Variants in TUSC3 observed in about 807,000 individuals in gnomAD.
The protein encoded by TUSC3 is dolichyl-diphosphooligosaccharide--protein glycosyltransferase subunit TUSC3.
TUSC3 carries 45 observed loss-of-function variants against 44.8 expected under a neutral mutation model. The observed-to-expected ratio is 1.00, with a 90% CI of 0.79 to 1.29. The LOEUF is 1.29. Among genes scored for constraint, TUSC3 ranks in the 50% most tolerant of loss-of-function variants. TUSC3 has a pLI of 0.00. For missense variants in TUSC3, 519 were observed against 437.9 expected, an observed-to-expected ratio of 1.19 and a Z score of -1.65; for synonymous variants, 212 against 152.9, an observed-to-expected ratio of 1.39 and a Z score of -2.85.
At chr8:15,518,652 G>C (rs1474966631) in intron 2 of TUSC3, among the ~76,000 whole-genome samples, 1 of 152,066 alleles carries the variant, frequency 6.6e-6, no homozygotes, top group African/African-American at 2.4e-5. Flanking sequence ...TTGCAGGAAT[G>C]CCTACCAGTC....
At chr8:15,618,536 G>C (rs1372014477) in intron 1 of TUSC3, among the ~76,000 whole-genome samples, 1 of 152,014 alleles carries the variant, frequency 6.6e-6, no homozygotes, top group Non-Finnish European at 1.5e-5. Flanking sequence ...TCCCACTGGG[G>C]GGTCTTCAGG....
intron 2 of TUSC3, among the ~76,000 whole-genome samples, chr8:15,488,430 A>G (rs1800763056): frequency 6.6e-6 from 1 of 152,110 alleles, no homozygotes; most frequent in Non-Finnish European, 1.5e-5. Flanking sequence ...TGAGCCCAGG[A>G]GGCCAAGGCT....
At chr8:15,622,575 CACAGT>C (rs1260022729) in intron 1 of TUSC3, among the ~76,000 whole-genome samples, 2 of 152,200 alleles carry the variant, frequency 1.3e-5, no homozygotes, top group Non-Finnish European at 2.9e-5. Flanking sequence ...TGACTTTTAG[CACAGT>C]ACATCAGTTT....
At chr8:15,774,664 G>A in the TUSC3 span, among the ~76,000 whole-genome samples, 1 of 152,098 alleles carries the variant, frequency 6.6e-6, no homozygotes, top group Non-Finnish European at 1.5e-5. Flanking sequence ...CTAATACAAT[G>A]AGCCAAGGTC....
At chr8:15,793,655 T>C in the TUSC3 span, among the ~76,000 whole-genome samples, 2 of 152,306 alleles carry the variant, frequency 1.3e-5, no homozygotes, top group Non-Finnish European at 2.9e-5. Flanking sequence ...TAGTCTGTGC[T>C]CCTACACCCT....
chr8:15,836,831 G>T, the TUSC3 span, among the ~76,000 whole-genome samples: 2 of 152,036 alleles, frequency 1.3e-5, no homozygotes, highest in East Asian at 3.9e-4. Context: ...GGATAAACTT[G>T]CAGTTTTATA....
chr8:15,621,840 C>CATGCAT (rs1279452511), intron 1 of TUSC3, among the ~76,000 whole-genome samples: 2 of 151,442 alleles, frequency 1.3e-5, no homozygotes, highest in Non-Finnish European at 2.9e-5. Context: ...AGTTAGCATG[C>CATGCAT]ATGCATGTCT....
At chr8:15,794,205 C>G in the TUSC3 span, among the ~76,000 whole-genome samples, 1 of 152,172 alleles carries the variant, frequency 6.6e-6, no homozygotes, top group Non-Finnish European at 1.5e-5. Flanking sequence ...TTGAGAAACA[C>G]TCTCTTCTTG....
chr8:15,787,611 T>A, the TUSC3 span, among the ~76,000 whole-genome samples: 63 of 152,336 alleles, frequency 4.1e-4, no homozygotes, highest in Middle Eastern at 6.8e-3. Context: ...CTTATTTCTA[T>A]GATATATGGT....
At chr8:15,843,248 G>T in the TUSC3 span, among the ~76,000 whole-genome samples, 392 of 152,186 alleles carry the variant, frequency 2.6e-3, 4 homozygotes, top group Admixed American at 0.016. Flanking sequence ...CATTGCTAAT[G>T]GGTGATCTGT....
intron 6 of TUSC3, among the ~76,000 whole-genome samples, chr8:15,686,195 G>C (rs1377976278): frequency 6.6e-6 from 1 of 151,904 alleles, no homozygotes; most frequent in South Asian, 2.1e-4. Flanking sequence ...TGGTTACATA[G>C]GACATAAAAA....
the TUSC3 span, among the ~76,000 whole-genome samples, chr8:15,794,850 T>A: frequency 6.6e-6 from 1 of 152,092 alleles, no homozygotes; most frequent in East Asian, 1.9e-4. Flanking sequence ...ACGAACTATC[T>A]TCCATGGCTA....
intron 1 of TUSC3, among the ~76,000 whole-genome samples, chr8:15,464,762 C>G (rs1205193580): frequency 6.6e-6 from 1 of 152,182 alleles, no homozygotes; most frequent in Non-Finnish European, 1.5e-5. Flanking sequence ...TGTCTAATGC[C>G]TGAGAGACCA....
At chr8:15,827,993 TC>T in the TUSC3 span, among the ~76,000 whole-genome samples, 2 of 75,466 alleles carry the variant, frequency 2.7e-5, no homozygotes, top group Non-Finnish European at 5.5e-5. Context: ...GAATTTGGTA[TC>T]TTTTTTTTTT....
intron 2 of TUSC3, among the ~76,000 whole-genome samples, chr8:15,510,907 A>G (rs1801126006): frequency 6.6e-6 from 1 of 152,156 alleles, no homozygotes; most frequent in Admixed American, 6.5e-5. Flanking sequence ...AGAATGCAAG[A>G]TTGGTTTACT....
chr8:15,629,521 G>A (rs1036918455), intron 2 of TUSC3, among the ~76,000 whole-genome samples: 1 of 150,150 alleles, frequency 6.7e-6, no homozygotes, highest in Non-Finnish European at 1.5e-5. Context: ...TAGATGCACT[G>A]AGAAAGGGAC....
intron 5 of TUSC3, among the ~76,000 whole-genome samples, chr8:15,669,736 C>T (rs911397844): frequency 6.6e-6 from 1 of 151,564 alleles, no homozygotes; most frequent in African/African-American, 2.4e-5. Context: ...ATACAGTAAA[C>T]ATCATATTTG....
chr8:15,534,109 T>C (rs1304586473), intron 2 of TUSC3, among the ~76,000 whole-genome samples: 1 of 152,162 alleles, frequency 6.6e-6, no homozygotes, highest in Non-Finnish European at 1.5e-5. Context: ...TAGTTCCCAG[T>C]TTGACTTTTC....
At chr8:15,455,965 C>A (rs1800251612) in intron 1 of TUSC3, among the ~76,000 whole-genome samples, 1 of 152,160 alleles carries the variant, frequency 6.6e-6, no homozygotes, top group African/African-American at 2.4e-5. Context: ...TCTGAAAGAC[C>A]TTTGCAGATT....
Sources: gnomAD v4.1 joint callset for allele counts (sites outside exome capture counted in the v4.1 genomes callset) on GRCh38, gnomAD v4.1.1 for gene constraint, MANE v1.5 for transcripts, NCBI Gene and HGNC (gene_info 2026-07-23, HGNC 2026-07-21) for gene names.